The following SLC4A10 variants were observed in gnomAD, a reference collection of about 807,000 sequenced individuals.
SLC4A10 encodes solute carrier family 4 member 10.
Under a neutral mutation model 137.7 loss-of-function variants are expected in SLC4A10, and 42 were observed. That is an observed-to-expected ratio of 0.30 (90% CI 0.24 to 0.39). The LOEUF is 0.39. Among genes scored for constraint, SLC4A10 ranks in the 10% least tolerant of loss-of-function variants. The pLI is 1.00. For missense variants in SLC4A10, 925 were observed against 1,355.0 expected, an observed-to-expected ratio of 0.68 and a Z score of 4.98; for synonymous variants, 474 against 464.1, an observed-to-expected ratio of 1.02 and a Z score of -0.27.
intron 21 of SLC4A10, 66 bp from the exon 22 acceptor site, chr2:161,964,069 A>T: frequency 7.1e-7 from 1 of 1,416,564 alleles, no homozygotes; most frequent in Non-Finnish European, 9.5e-7. Flanking sequence ...CATATTAAAC[A>T]TCAACTTGTC....
intron 11 of SLC4A10, among the ~76,000 whole-genome samples, chr2:161,895,089 G>T (rs1378747313): frequency 9.0e-6 from 1 of 111,414 alleles, no homozygotes; most frequent in Non-Finnish European, 1.7e-5. Flanking sequence ...ACAGTCCCCA[G>T]AGTGTGATGT....
In SLC4A10 at chr2:161,804,586, C is replaced by A. The variant is rs1426977623; in HGVS notation, c.268C>A (p.Pro90Thr). Reference sequence around the variant, plus strand: ...AGGATTAGAGGATGGAAGGGAGTCACCTTCTTTTGGTAAGAATCCTTCTCC... The same window carrying A: ...AGGATTAGAGGATGGAAGGGAGTCAACTTCTTTTGGTAAGAATCCTTCTCC... ...DSGLEDGRESPSFDTPSQRVQ... is the reference protein window; with the variant it reads ...DSGLEDGRESTSFDTPSQRVQ... The change falls in exon 3 of 27, where the codon CCT becomes ACT. Residue 90 changes from proline (P) to threonine (T), a missense_variant. Physicochemically the swap from Pro to Thr is conservative, Grantham distance 38 (BLOSUM62 -1). Transcript: ENST00000446997. 6.2e-7 allele frequency: 1 copy of A among 1,609,082 alleles called. No individual in the cohort carries two copies.
At chr2:161,717,806 T>C (rs759699255) in intron 1 of SLC4A10, among the ~76,000 whole-genome samples, 8 of 152,164 alleles carry the variant, frequency 5.3e-5, no homozygotes, top group Non-Finnish European at 1.0e-4. Flanking sequence ...GCTGGCCTCA[T>C]AAAATGGTTT....
rs147475481 is a variant in SLC4A10 at position 161,953,843 on chromosome 2, C to A, written c.2541+2995C>A. On this transcript the variant is annotated intron_variant, in intron 19 of 26. Transcript: ENST00000446997. ...ATTATACATAAATGTACATATAAAT[C>A]CATACTCTCTCTAGCATTTGTTTGT... 3.9e-5 allele frequency among the ~76,000 whole-genome samples: 6 copies of A among 152,230 alleles called. No individual in the cohort carries two copies. In the East Asian group the frequency reaches 1.2e-3, roughly 29 times the overall value.
intron 1 of SLC4A10, among the ~76,000 whole-genome samples, chr2:161,764,048 T>C (rs191386574): frequency 3.3e-5 from 5 of 152,198 alleles, no homozygotes; most frequent in African/African-American, 1.2e-4. Context: ...TAAAGTGATA[T>C]ATGTACAAGG....
At position 161,871,707 on chromosome 2, in the gene SLC4A10, G is replaced by A. The variant is rs145215280; in HGVS notation, c.767-586G>A. On this transcript the variant is annotated intron_variant, in intron 6 of 26. Transcript: ENST00000446997. ...TGCTTATATAATAGAATAGTCAGAG[G>A]CATAAAATCATATCCATAGTGTTCA... Among the ~76,000 whole-genome samples, 8 of 152,140 alleles carry A rather than the reference G, an allele frequency of 5.3e-5. No individual in the cohort carries two copies. The East Asian group carries it at 1.5e-3, about 29-fold the overall frequency.
chr2:161,745,199 C>A (rs1559154700), intron 1 of SLC4A10, among the ~76,000 whole-genome samples: 2 of 152,054 alleles, frequency 1.3e-5, no homozygotes, highest in Non-Finnish European at 2.9e-5. Flanking sequence ...CTTAGATTTG[C>A]CTTTTTGGGG....
intron 1 of SLC4A10, among the ~76,000 whole-genome samples, chr2:161,638,721 G>A (rs1013670739): frequency 1.3e-5 from 2 of 151,850 alleles, no homozygotes; most frequent in African/African-American, 2.4e-5. Flanking sequence ...TAGTATGAGT[G>A]TTTTAACAAT....
At chr2:161,675,028 A>T (rs932569116) in intron 1 of SLC4A10, among the ~76,000 whole-genome samples, 2 of 152,214 alleles carry the variant, frequency 1.3e-5, no homozygotes, top group Admixed American at 6.5e-5. Context: ...AAAACTTCTT[A>T]ACACAGTAGA....
At chr2:161,800,188 C>G (rs973982392) in intron 2 of SLC4A10, among the ~76,000 whole-genome samples, 2 of 152,028 alleles carry the variant, frequency 1.3e-5, no homozygotes, top group African/African-American at 2.4e-5. Flanking sequence ...ACTCCTTAAC[C>G]ATGCAGAAGC....
intron 15 of SLC4A10, among the ~76,000 whole-genome samples, chr2:161,935,075 T>A (rs1023037607): frequency 9.8e-5 from 15 of 152,322 alleles, no homozygotes; most frequent in Admixed American, 6.5e-5. Context: ...TGGTGTGAGA[T>A]AAGGGTCTGA....
chr2:161,811,352 A>G (rs2056533867), intron 3 of SLC4A10, among the ~76,000 whole-genome samples: 1 of 151,858 alleles, frequency 6.6e-6, no homozygotes, highest in South Asian at 2.1e-4. Flanking sequence ...TTGCATCTCA[A>G]TTTCTTTCAG....
intron 2 of SLC4A10, among the ~76,000 whole-genome samples, chr2:161,787,356 T>G (rs890453441): frequency 6.6e-6 from 1 of 152,176 alleles, no homozygotes; most frequent in Non-Finnish European, 1.5e-5. Flanking sequence ...TAAGATTTTT[T>G]CTTTAGCATT....
chr2:161,896,218 A>G (rs1469462815), intron 11 of SLC4A10, among the ~76,000 whole-genome samples: 1 of 151,826 alleles, frequency 6.6e-6, no homozygotes, highest in African/African-American at 2.4e-5. Flanking sequence ...AAGATCAGAT[A>G]GTTGTAGATA....
intron 2 of SLC4A10, among the ~76,000 whole-genome samples, chr2:161,785,607 G>A (rs1047389815): frequency 1.8e-4 from 28 of 151,776 alleles, no homozygotes; most frequent in African/African-American, 6.7e-4. Flanking sequence ...CATTCACAGA[G>A]TAAAGAACAA....
intron 15 of SLC4A10, among the ~76,000 whole-genome samples, chr2:161,937,182 C>G (rs1414461344): frequency 6.6e-6 from 1 of 152,040 alleles, no homozygotes; most frequent in Non-Finnish European, 1.5e-5. Flanking sequence ...TAGTCGCATA[C>G]CATTGTGTTA....
At chr2:161,813,870 G>A (rs747117640) in intron 3 of SLC4A10, among the ~76,000 whole-genome samples, 10 of 152,086 alleles carry the variant, frequency 6.6e-5, no homozygotes, top group South Asian at 2.1e-4. Flanking sequence ...TTCTAAAACC[G>A]TGCTAATGCT....
rs1437715058 is a variant in SLC4A10, at chr2:161,848,956, G to A, written c.417-6014G>A. Reference sequence around the variant, plus strand: ...AATTTTGTAAAAATGTTATTGGTAGGTTGATAGGAATAGCACTGAATCTGT... The same window carrying A: ...AATTTTGTAAAAATGTTATTGGTAGATTGATAGGAATAGCACTGAATCTGT... On this transcript the variant is annotated intron_variant, in intron 4 of 26. Coordinates refer to ENST00000446997, the MANE Select transcript of SLC4A10 (RefSeq NM_001178015.2). Among the ~76,000 whole-genome samples, 10 of 152,120 alleles carry A rather than the reference G, an allele frequency of 6.6e-5. No individual in the cohort carries two copies. The East Asian group carries it at 1.9e-3, about 29-fold the overall frequency.
At chr2:161,854,700 A>G (rs896999241) in intron 4 of SLC4A10, among the ~76,000 whole-genome samples, 5 of 152,192 alleles carry the variant, frequency 3.3e-5, no homozygotes, top group Non-Finnish European at 7.3e-5. Flanking sequence ...AAACAATTAT[A>G]TTTAAATATT....
Sources: gnomAD v4.1 joint callset for allele counts (sites outside exome capture counted in the v4.1 genomes callset) on GRCh38, gnomAD v4.1.1 for gene constraint, MANE v1.5 for transcripts, NCBI Gene and HGNC (gene_info 2026-07-23, HGNC 2026-07-21) for gene names.